The following GABRB1 variants were observed in gnomAD, a reference collection of about 807,000 sequenced individuals.
The protein encoded by GABRB1 is gamma-aminobutyric acid type A receptor subunit beta1, also known as gamma-aminobutyric acid receptor subunit beta-1.
Under a neutral mutation model 51.6 loss-of-function variants are expected in GABRB1, and 17 were observed. The ratio of observed to expected loss-of-function variants is 0.33; its 90% CI spans 0.23 to 0.49. The LOEUF is 0.49. GABRB1 is among the 20% of genes least tolerant of loss of function. The probability of loss-of-function intolerance (pLI) is 0.99; values close to 1 mark genes in which losing one functional copy is unlikely to be tolerated. For synonymous variants in GABRB1, 247 were observed against 218.9 expected, an observed-to-expected ratio of 1.13 and a Z score of -1.14; for missense variants, 410 against 600.6, an observed-to-expected ratio of 0.68 and a Z score of 3.32.
chr4:47,087,058 C>G (rs28564010), intron 3 of GABRB1, among the ~76,000 whole-genome samples: 2,219 of 152,314 alleles, frequency 0.015, 45 homozygotes, highest in African/African-American at 0.051. Context: ...GTATAACCAA[C>G]GTCTCACAAA....
At chr4:47,145,692 A>C (rs1405337566) in intron 3 of GABRB1, among the ~76,000 whole-genome samples, 1 of 152,184 alleles carries the variant, frequency 6.6e-6, no homozygotes, top group Non-Finnish European at 1.5e-5. Context: ...ATATAACATA[A>C]TGAATATTTA....
At chr4:47,046,512 T>C (rs1394168621) in intron 3 of GABRB1, among the ~76,000 whole-genome samples, 1 of 152,034 alleles carries the variant, frequency 6.6e-6, no homozygotes, top group Non-Finnish European at 1.5e-5. Flanking sequence ...TACAAAAAGA[T>C]AACTATCTAC....
intron 5 of GABRB1, among the ~76,000 whole-genome samples, chr4:47,345,039 C>T (rs572558141): frequency 4.6e-5 from 7 of 152,190 alleles, no homozygotes; most frequent in African/African-American, 1.7e-4. Context: ...TTTTACGTAA[C>T]TCTCAGTCTG....
intron 3 of GABRB1, among the ~76,000 whole-genome samples, chr4:47,106,112 T>C (rs1714958149): frequency 6.6e-6 from 1 of 152,112 alleles, no homozygotes; most frequent in African/African-American, 2.4e-5. Flanking sequence ...TTGTTGCTAT[T>C]CATTTAAGAG....
intron 3 of GABRB1, among the ~76,000 whole-genome samples, chr4:47,064,598 A>C (rs566427104): frequency 2.9e-5 from 4 of 139,412 alleles, no homozygotes; most frequent in Admixed American, 8.4e-5. Context: ...AGATCGCGCC[A>C]TTGCACTCCA....
chr4:47,244,218 A>T (rs949426680), intron 4 of GABRB1, among the ~76,000 whole-genome samples: 1 of 152,204 alleles, frequency 6.6e-6, no homozygotes, highest in African/African-American at 2.4e-5. Flanking sequence ...CCAGCCTTGC[A>T]TCCCAGGATG....
At chr4:47,002,562 A>G (rs1243032771) in intron 1 of GABRB1, among the ~76,000 whole-genome samples, 1 of 152,184 alleles carries the variant, frequency 6.6e-6, no homozygotes, top group Non-Finnish European at 1.5e-5. Flanking sequence ...AAAGCACAAT[A>G]GCAGAAATGT....
In GABRB1 at chr4:47,249,555, G is replaced by A. The variant is rs55734124; in HGVS notation, c.462-70572G>A. Among the ~76,000 whole-genome samples, 902 of 152,086 alleles carry A rather than the reference G, an allele frequency of 5.9e-3. 11 individuals are homozygous for A. Among genetic ancestry groups the A allele is most frequent in the African/African-American group, 0.021 (853 of 41,512 alleles). The stretch of plus-strand genomic sequence containing the variant: ...TTTAAATCACTATTATTGTGTTGCT[G>A]TCTATCTCATTTCTTAGGTCTATTA... On this transcript the variant is annotated intron_variant, in intron 4 of 8. Transcript: ENST00000295454.
At chr4:47,083,971 A>G (rs1418836669) in intron 3 of GABRB1, among the ~76,000 whole-genome samples, 4 of 152,160 alleles carry the variant, frequency 2.6e-5, no homozygotes, top group Non-Finnish European at 5.9e-5. Context: ...CTGTAACTAT[A>G]TATTACCCCA....
At chr4:47,121,917 G>A (rs1384393351) in intron 3 of GABRB1, among the ~76,000 whole-genome samples, 3 of 152,218 alleles carry the variant, frequency 2.0e-5, no homozygotes, top group South Asian at 2.1e-4. Flanking sequence ...TAAAGCTTCT[G>A]TTTTTACTAC....
chr4:46,996,517 G>A (rs539748063), intron 1 of GABRB1, among the ~76,000 whole-genome samples: 2 of 152,264 alleles, frequency 1.3e-5, no homozygotes, highest in South Asian at 4.1e-4. Flanking sequence ...GTTTATGTAA[G>A]TATGTGCATT....
Position 47,234,344 on chromosome 4 carries a change from G to A in GABRB1, c.461+72875G>A, listed in dbSNP as rs530883917. ...CTCTACTAAAAATACAAAATTAGCCGGGCATGGTGGTGCATGCCTGTAATC... is the reference window on the plus strand; with the variant it reads ...CTCTACTAAAAATACAAAATTAGCCAGGCATGGTGGTGCATGCCTGTAATC... On this transcript the variant is annotated intron_variant, in intron 4 of 8. Coordinates refer to ENST00000295454, the MANE Select transcript of GABRB1 (RefSeq NM_000812.4). 1.3e-3 allele frequency among the ~76,000 whole-genome samples: 198 copies of A among 152,032 alleles called. 1 individual carries two copies. Among genetic ancestry groups the A allele is most frequent in the African/African-American group, 4.5e-3 (188 of 41,478 alleles).
chr4:47,325,591 A>G (rs753132020), intron 5 of GABRB1, among the ~76,000 whole-genome samples: 6 of 152,038 alleles, frequency 3.9e-5, no homozygotes, highest in Non-Finnish European at 8.8e-5. Flanking sequence ...TACTGTATAC[A>G]TTACTCCAGC....
chr4:47,078,071 C>A (rs1727653457), intron 3 of GABRB1, among the ~76,000 whole-genome samples: 1 of 147,752 alleles, frequency 6.8e-6, no homozygotes, highest in African/African-American at 2.5e-5. Context: ...CTCACCGCAA[C>A]CTCTACCTTC....
At chr4:47,005,170 G>C (rs1311389719) in intron 1 of GABRB1, among the ~76,000 whole-genome samples, 1 of 152,220 alleles carries the variant, frequency 6.6e-6, no homozygotes, top group Non-Finnish European at 1.5e-5. Flanking sequence ...TATAATCCCA[G>C]CACTTTGGGA....
chr4:47,322,098 G>A (rs1173065109), intron 5 of GABRB1, among the ~76,000 whole-genome samples: 1 of 152,090 alleles, frequency 6.6e-6, no homozygotes, highest in Non-Finnish European at 1.5e-5. Context: ...TATAAATGAA[G>A]CAGAAATTAA....
chr4:47,332,470 G>A (rs1367204711), intron 5 of GABRB1, among the ~76,000 whole-genome samples: 1 of 152,102 alleles, frequency 6.6e-6, no homozygotes, highest in Non-Finnish European at 1.5e-5. Context: ...ATCCACATAC[G>A]AATAATGAAA....
At chr4:47,206,924 GAA>G (rs1720151448) in intron 4 of GABRB1, among the ~76,000 whole-genome samples, 1 of 151,650 alleles carries the variant, frequency 6.6e-6, no homozygotes, top group Admixed American at 6.6e-5. Context: ...GGCTACACCA[GAA>G]AAAGAGTTTT....
intron 3 of GABRB1, among the ~76,000 whole-genome samples, chr4:47,037,528 GTTT>G (rs1399892030): frequency 2.2e-5 from 3 of 136,062 alleles, no homozygotes; most frequent in African/African-American, 8.2e-5. Context: ...ATATATATTC[GTTT>G]TTTTTTGTTG....
Sources: gnomAD v4.1 joint callset for allele counts (sites outside exome capture counted in the v4.1 genomes callset) on GRCh38, gnomAD v4.1.1 for gene constraint, MANE v1.5 for transcripts, NCBI Gene and HGNC (gene_info 2026-07-23, HGNC 2026-07-21) for gene names.